Variants in TRPM3 observed in about 807,000 individuals in gnomAD.
TRPM3 encodes the protein long transient receptor potential channel 3.
TRPM3 carries 77 observed loss-of-function variants against 181.2 expected under a neutral mutation model. That is an observed-to-expected ratio of 0.42 (90% CI 0.35 to 0.51). TRPM3 has a LOEUF of 0.51. Ranked by LOEUF, TRPM3 falls within the 20% of genes least tolerant of loss-of-function variation. The probability of loss-of-function intolerance (pLI) is 0.01; values close to 1 mark genes in which losing one functional copy is unlikely to be tolerated. For synonymous variants in TRPM3, 745 were observed against 796.4 expected, an observed-to-expected ratio of 0.94 and a Z score of 1.09; for missense variants, 1,759 against 2,196.7, an observed-to-expected ratio of 0.80 and a Z score of 3.98.
rs147727078 is a variant in TRPM3, at chr9:71,260,362, G to A, written c.183+186291C>T. Among the ~76,000 whole-genome samples, 450 of 152,084 alleles carry A rather than the reference G, an allele frequency of 3.0e-3. 1 individual carries two copies. The highest frequency in any genetic ancestry group is 0.02 in the Middle Eastern group (6 of 294). On this transcript the variant is annotated intron_variant, in intron 1 of 24. Transcript: ENST00000357533. The stretch of plus-strand genomic sequence containing the variant: ...TTGCTTAGGATTTTCTTGGCTATGC[G>A]GGCTCTTTTTTTGGATCCATATCAA...
At chr9:70,930,591 A>G (rs2096766206) in intron 1 of TRPM3, among the ~76,000 whole-genome samples, 1 of 152,184 alleles carries the variant, frequency 6.6e-6, no homozygotes, top group Non-Finnish European at 1.5e-5. Flanking sequence ...ATAGAGTACT[A>G]CACTGGATCT....
rs759943518 is a variant in TRPM3 at position 70,843,141 on chromosome 9, A to G, written c.677-14T>C. 1.5e-5 allele frequency: 23 copies of G among 1,544,312 alleles called. No individual in the cohort carries two copies. The highest frequency in any genetic ancestry group is 2.0e-5 in the Non-Finnish European group (23 of 1,131,682). On this transcript the variant is annotated splice_polypyrimidine_tract_variant and intron_variant, in intron 4 of 25. Transcript: ENST00000677713. Reference sequence around the variant, plus strand: ...GACGAATAACACCTAAAAAAAAAAGAGAAGCATTGATTTTTTCTTTTAAAG... The same window carrying G: ...GACGAATAACACCTAAAAAAAAAAGGGAAGCATTGATTTTTTCTTTTAAAG...
chr9:71,330,475 T>C (rs1588518143), intron 1 of TRPM3, among the ~76,000 whole-genome samples: 3 of 144,868 alleles, frequency 2.1e-5, no homozygotes, highest in Non-Finnish European at 4.4e-5. Context: ...TGCCAGCTAC[T>C]TACCAGCTAT....
chr9:71,073,577 A>G (rs1371511023), intron 1 of TRPM3, among the ~76,000 whole-genome samples: 2 of 152,182 alleles, frequency 1.3e-5, no homozygotes, highest in Non-Finnish European at 2.9e-5. Context: ...ATGCCCATTG[A>G]TATTTTCTTG....
At chr9:71,354,996 T>C (rs2091835581) in intron 1 of TRPM3, among the ~76,000 whole-genome samples, 1 of 152,262 alleles carries the variant, frequency 6.6e-6, no homozygotes, top group East Asian at 1.9e-4. Context: ...AGATCTTTCT[T>C]AGTTCTTTGA....
At chr9:70,698,871 A>G (rs2071482514) in intron 8 of TRPM3, among the ~76,000 whole-genome samples, 1 of 152,080 alleles carries the variant, frequency 6.6e-6, no homozygotes, top group African/African-American at 2.4e-5. Flanking sequence ...CCATGAGTAA[A>G]AGCTCCCTGA....
chr9:71,156,375 A>C (rs996629603), intron 1 of TRPM3, among the ~76,000 whole-genome samples: 1 of 106,138 alleles, frequency 9.4e-6, no homozygotes, highest in Non-Finnish European at 1.8e-5. Context: ...TATATACTAC[A>C]GACACACACA....
intron 1 of TRPM3, among the ~76,000 whole-genome samples, chr9:70,944,906 A>G (rs2133603305): frequency 6.6e-6 from 1 of 152,002 alleles, no homozygotes; most frequent in African/African-American, 2.4e-5. Flanking sequence ...AAAAAAAACC[A>G]CATAAAAGCC....
intron 8 of TRPM3, among the ~76,000 whole-genome samples, chr9:70,691,009 G>A (rs1305427134): frequency 6.6e-6 from 1 of 152,170 alleles, no homozygotes; most frequent in Non-Finnish European, 1.5e-5. Context: ...TGAACATGAT[G>A]ATTTATATGG....
At chr9:71,304,207 A>G (rs1054982291) in intron 1 of TRPM3, among the ~76,000 whole-genome samples, 8 of 152,192 alleles carry the variant, frequency 5.3e-5, no homozygotes, top group Middle Eastern at 3.2e-3. Context: ...TACTTATACT[A>G]TTTTATTGCA....
At chr9:70,870,197 C>T (rs551500770) in intron 1 of TRPM3, among the ~76,000 whole-genome samples, 4 of 152,058 alleles carry the variant, frequency 2.6e-5, no homozygotes, top group East Asian at 3.9e-4. Context: ...TACTGGGAAA[C>T]GAATGACTTA....
At chr9:71,156,419 AC>A (rs5898181) in intron 1 of TRPM3, among the ~76,000 whole-genome samples, 1,681 of 126,764 alleles carry the variant, frequency 0.013, 27 homozygotes, top group African/African-American at 0.034. Flanking sequence ...ACACACACAC[AC>A]AAGGCTTATC....
intron 1 of TRPM3, among the ~76,000 whole-genome samples, chr9:71,259,220 G>C (rs1320954469): frequency 1.3e-5 from 2 of 152,160 alleles, no homozygotes; most frequent in Non-Finnish European, 2.9e-5. Context: ...TGAAGGACAT[G>C]AACTCATTCT....
At chr9:70,628,323 G>A (rs1285340444) in intron 12 of TRPM3, among the ~76,000 whole-genome samples, 2 of 152,136 alleles carry the variant, frequency 1.3e-5, no homozygotes, top group Non-Finnish European at 2.9e-5. Context: ...CAGCTGCCCC[G>A]GGCTTCTATC....
rs540590468 is a variant in TRPM3, at chr9:70,549,797, T to C, written c.3575-123A>G. 1.5e-5 allele frequency: 14 copies of C among 961,070 alleles called. No homozygotes were observed. The East Asian group carries it at 4.0e-4, about 27-fold the overall frequency. 59.5% of individuals were successfully genotyped at this position (961,070 alleles called of 1,614,324 possible). On this transcript the variant is annotated intron_variant, in intron 24 of 25. Coordinates refer to ENST00000677713, the MANE Select transcript of TRPM3 (RefSeq NM_001366145.2). ...GGGAAAAGGGGCCTAGATTCCTTGT[T>C]AAGTCTCAAATGAAATCCAAATCCA...
intron 1 of TRPM3, among the ~76,000 whole-genome samples, chr9:71,158,640 A>T (rs12002276): frequency 1.3e-5 from 2 of 152,130 alleles, no homozygotes; most frequent in African/African-American, 4.8e-5. Flanking sequence ...TAGAATAATA[A>T]TGTCTCTCTT....
intron 1 of TRPM3, among the ~76,000 whole-genome samples, chr9:70,958,867 T>C (rs1345010248): frequency 2.0e-5 from 3 of 151,814 alleles, no homozygotes; most frequent in African/African-American, 7.3e-5. Context: ...GGGACATGGA[T>C]GAAATTGGAA....
chr9:71,150,943 T>C (rs1795595417), intron 1 of TRPM3, among the ~76,000 whole-genome samples: 1 of 152,132 alleles, frequency 6.6e-6, no homozygotes, highest in Non-Finnish European at 1.5e-5. Context: ...TATAGGAGTT[T>C]GGTTTATGAT....
chr9:71,149,085 G>A (rs1008072187), intron 1 of TRPM3, among the ~76,000 whole-genome samples: 16 of 152,030 alleles, frequency 1.1e-4, no homozygotes, highest in African/African-American at 3.1e-4. Context: ...AGAGAAGGAT[G>A]GCGGGAAGGC....
Sources: allele counts gnomAD v4.1 joint callset (sites outside exome capture counted in the v4.1 genomes callset), GRCh38; gene constraint gnomAD v4.1.1; transcripts MANE v1.5; gene names NCBI Gene and HGNC (gene_info 2026-07-23, HGNC 2026-07-21).